The following KDM4B variants were observed in gnomAD, a reference collection of about 807,000 sequenced individuals.
The protein encoded by KDM4B is lysine-specific demethylase 4B.
A neutral mutation model predicts 125.2 loss-of-function variants in KDM4B; 32 were observed. The observed-to-expected ratio is 0.26, with a 90% CI of 0.19 to 0.34. The LOEUF (loss-of-function observed/expected upper bound fraction) is 0.34, where lower values mean the gene tolerates loss of function less well. Ranked by LOEUF, KDM4B falls within the 10% of genes least tolerant of loss-of-function variation. The pLI, the probability that KDM4B is intolerant of heterozygous loss-of-function variation, is 1.00. For synonymous variants in KDM4B, 721 were observed against 677.9 expected, an observed-to-expected ratio of 1.06 and a Z score of -0.99; for missense variants, 1,190 against 1,577.7, an observed-to-expected ratio of 0.75 and a Z score of 4.16.
intron 2 of KDM4B, among the ~76,000 whole-genome samples, chr19:5,021,834 C>T (rs1467940667): frequency 1.3e-5 from 2 of 151,994 alleles, no homozygotes; most frequent in African/African-American, 2.4e-5. Context: ...CAGGGTTTCA[C>T]GGTGTTGGCC....
chr19:5,145,535 C>G (rs1408476312), intron 21 of KDM4B, among the ~76,000 whole-genome samples: 1 of 151,300 alleles, frequency 6.6e-6, no homozygotes, highest in Admixed American at 6.6e-5. Context: ...GAGCCGAGAT[C>G]ACACCACTGC....
chr19:5,072,941 C>T (rs1352926655), intron 7 of KDM4B, among the ~76,000 whole-genome samples: 43 of 152,172 alleles, frequency 2.8e-4, no homozygotes, highest in Non-Finnish European at 4.4e-5. Flanking sequence ...CTAGAGGCCA[C>T]CTGCATCCCT....
intron 21 of KDM4B, among the ~76,000 whole-genome samples, chr19:5,147,890 C>T (rs979969902): frequency 4.6e-5 from 7 of 152,178 alleles, no homozygotes; most frequent in Admixed American, 2.6e-4. Context: ...ACCTCGATCA[C>T]ACAATCATGC....
At position 4,971,654 on chromosome 19, in the gene KDM4B, G is replaced by A. The variant is rs1024613343; in HGVS notation, c.-109+2424G>A. Among the ~76,000 whole-genome samples the A allele has an allele frequency of 6.6e-6, 1 of 152,180 alleles. No individual in the cohort carries two copies. The highest frequency in any genetic ancestry group is 6.5e-5 in the Admixed American group (1 of 15,278). ...GCTCCTGTGGGTTTAGAGTGTAGTGGGGGAAAGGGTGAGCTGGCTGCCCAG... is the reference window on the plus strand; with the variant it reads ...GCTCCTGTGGGTTTAGAGTGTAGTGAGGGAAAGGGTGAGCTGGCTGCCCAG... On this transcript the variant is annotated intron_variant, in intron 1 of 22. Coordinates refer to ENST00000159111, the MANE Select transcript of KDM4B (RefSeq NM_015015.3). The surrounding 1 kb of genome is among the most constrained non-coding windows in gnomAD (Gnocchi z 4.1).
chr19:5,118,338 C>T (rs1333856698), intron 10 of KDM4B, among the ~76,000 whole-genome samples: 2 of 152,236 alleles, frequency 1.3e-5, no homozygotes, highest in Admixed American at 6.5e-5. Flanking sequence ...GCTCCCAGCT[C>T]TGCCTGACTG....
At chr19:5,072,167 G>A (rs950214768) in intron 7 of KDM4B, among the ~76,000 whole-genome samples, 6 of 152,160 alleles carry the variant, frequency 3.9e-5, no homozygotes, top group African/African-American at 1.4e-4. Context: ...GCCAAAGGAC[G>A]CCCGCCACAT....
chr19:5,111,335 G>A (rs775048228), intron 10 of KDM4B: 59 of 745,586 alleles, frequency 7.9e-5, no homozygotes, highest in Non-Finnish European at 1.3e-4. Context: ...TCAGAAGGCC[G>A]GCCCCGGGGC....
At chr19:5,065,075 G>A (rs1301737798) in intron 6 of KDM4B, among the ~76,000 whole-genome samples, 1 of 152,222 alleles carries the variant, frequency 6.6e-6, no homozygotes, top group Non-Finnish European at 1.5e-5. Flanking sequence ...GGGTGCTGGG[G>A]CGTCAGCCAG....
chr19:5,086,359 A>G (rs541530724), intron 9 of KDM4B, among the ~76,000 whole-genome samples: 6 of 152,126 alleles, frequency 3.9e-5, no homozygotes, highest in African/African-American at 1.4e-4. Context: ...GCCGTCTGCA[A>G]ACTGAGCAGG....
intron 1 of KDM4B, among the ~76,000 whole-genome samples, chr19:4,982,830 C>G (rs1362350051): frequency 1.3e-5 from 2 of 152,146 alleles, no homozygotes; most frequent in Non-Finnish European, 2.9e-5. Flanking sequence ...CCAGGCTGGT[C>G]TCAAACTCCT....
intron 2 of KDM4B, among the ~76,000 whole-genome samples, chr19:5,030,946 G>A (rs2036433467): frequency 6.6e-6 from 1 of 152,356 alleles, no homozygotes; most frequent in Admixed American, 6.5e-5. Flanking sequence ...TGAGGTGACC[G>A]CGTTCTGCCA....
chr19:4,987,502 G>A (rs953079239), intron 1 of KDM4B, among the ~76,000 whole-genome samples: 3 of 152,164 alleles, frequency 2.0e-5, no homozygotes, highest in Admixed American at 6.5e-5. Context: ...CTCGGGGCTG[G>A]CATGTCTCTG....
At chr19:5,072,760 G>T (rs2037987303) in intron 7 of KDM4B, among the ~76,000 whole-genome samples, 1 of 152,222 alleles carries the variant, frequency 6.6e-6, no homozygotes, top group African/African-American at 2.4e-5. Flanking sequence ...TGGAGGTCAG[G>T]AGTCTAAAAT....
In KDM4B at chr19:5,153,346, C is replaced by A. The variant is rs879585966; in HGVS notation, c.*1835C>A. 1 of 152,394 alleles carries A rather than the reference C, an allele frequency of 6.6e-6. No individual in the cohort carries two copies. The highest frequency in any genetic ancestry group is 2.1e-4 in the South Asian group (1 of 4,828). The allele number at this position is 152,394 out of a possible 1,614,324, so 9.4% of individuals were successfully genotyped here. A position where few individuals can be genotyped will look rare whatever the true frequency, so the allele number is the denominator to read the frequency against. On this transcript the variant is annotated 3_prime_UTR_variant, in exon 23 of 23. Transcript: ENST00000159111. ...AGAAGCGGGCGGGTGCCCCTGCTGC[C>A]CTTGTCCCTTGGGGGTCACACCCAT...
rs138213970 is a variant in KDM4B, at chr19:5,006,398, A to G, written c.-108-9859A>G. The stretch of plus-strand genomic sequence containing the variant: ...CTGGCACTCCAGGCCCCTCCGCCGC[A>G]TCTTTCTGACTCGTGTTGCCACATC... On this transcript the variant is annotated intron_variant, in intron 1 of 22. Coordinates refer to ENST00000159111, the MANE Select transcript of KDM4B (RefSeq NM_015015.3). Among the ~76,000 whole-genome samples the G allele has an allele frequency of 2.3e-3, 353 of 151,826 alleles. 1 individual carries two copies. The highest frequency in any genetic ancestry group is 0.01 in the Middle Eastern group (3 of 294).
intron 6 of KDM4B, among the ~76,000 whole-genome samples, chr19:5,053,337 G>A (rs1372455888): frequency 6.6e-6 from 1 of 152,142 alleles, no homozygotes; most frequent in Admixed American, 6.5e-5. Context: ...TGCGTGCCTC[G>A]CTCCCAGGCA....
chr19:5,105,350 G>T (rs964856842), intron 9 of KDM4B, among the ~76,000 whole-genome samples: 2 of 152,282 alleles, frequency 1.3e-5, no homozygotes, highest in Non-Finnish European at 2.9e-5. Context: ...GCTGAAGCTG[G>T]TCTGTGGGAC....
chr19:4,995,936 C>T (rs945396878), intron 1 of KDM4B, among the ~76,000 whole-genome samples: 2 of 152,196 alleles, frequency 1.3e-5, no homozygotes, highest in African/African-American at 4.8e-5. Context: ...TATTTTGGTA[C>T]AGATATGTGT....
chr19:5,101,147 A>G (rs1464894390), intron 9 of KDM4B, among the ~76,000 whole-genome samples: 1 of 148,514 alleles, frequency 6.7e-6, no homozygotes, highest in East Asian at 2.0e-4. Flanking sequence ...ACTTGAACCC[A>G]GGAGGCAGAA....
Sources: allele counts gnomAD v4.1 joint callset (sites outside exome capture counted in the v4.1 genomes callset), GRCh38; gene constraint gnomAD v4.1.1; non-coding constraint Gnocchi (gnomAD v3.1); transcripts MANE v1.5; gene names NCBI Gene and HGNC (gene_info 2026-07-23, HGNC 2026-07-21).